The following GRIK3 variants were observed in gnomAD, a reference collection of about 807,000 sequenced individuals.
GRIK3 encodes the protein glutamate receptor ionotropic, kainate 3.
GRIK3 carries 29 observed loss-of-function variants against 102.5 expected under a neutral mutation model. The ratio of observed to expected loss-of-function variants is 0.28; its 90% CI spans 0.21 to 0.39. GRIK3 has a LOEUF of 0.39. GRIK3 is among the 10% of genes least tolerant of loss of function. The pLI is 1.00. For missense variants in GRIK3, 908 were observed against 1,252.4 expected (o/e 0.73, Z 4.15); for synonymous variants, 511 against 504.9 (o/e 1.01, Z -0.16).
chr1:36,965,287 T>G (rs1169470210), intron 1 of GRIK3, among the ~76,000 whole-genome samples: 1 of 152,334 alleles, frequency 6.6e-6, no homozygotes, highest in East Asian at 1.9e-4. Context: ...ATCAGAAAAT[T>G]TAATGACTCT....
chr1:36,808,549 A>C (rs1325291661), intron 13 of GRIK3, among the ~76,000 whole-genome samples: 1 of 152,212 alleles, frequency 6.6e-6, no homozygotes, highest in East Asian at 1.9e-4. Flanking sequence ...CTGGCCAGCT[A>C]TCAGTGAAAA....
intron 1 of GRIK3, among the ~76,000 whole-genome samples, chr1:37,012,618 C>T (rs1275657766): frequency 6.6e-6 from 1 of 152,200 alleles, no homozygotes; most frequent in Non-Finnish European, 1.5e-5. Flanking sequence ...AGCATTTTGA[C>T]ACCACATTTC....
intron 5 of GRIK3, among the ~76,000 whole-genome samples, chr1:36,869,306 G>A (rs1055671595): frequency 5.9e-5 from 9 of 152,184 alleles, no homozygotes; most frequent in East Asian, 1.9e-4. Flanking sequence ...CGAGATATGC[G>A]TGGGGAAGTG....
At chr1:36,846,155 G>A (rs528657239) in intron 9 of GRIK3, among the ~76,000 whole-genome samples, 2 of 152,164 alleles carry the variant, frequency 1.3e-5, no homozygotes, top group Non-Finnish European at 2.9e-5. Context: ...TCATGAGCTC[G>A]TGGAAGAGCG....
At chr1:36,940,338 A>G (rs1442991962) in intron 1 of GRIK3, among the ~76,000 whole-genome samples, 1 of 152,188 alleles carries the variant, frequency 6.6e-6, no homozygotes, top group African/African-American at 2.4e-5. Flanking sequence ...CAACTTCTGG[A>G]AGGATACTCT....
At chr1:36,908,526 G>A (rs1641310586) in intron 1 of GRIK3, among the ~76,000 whole-genome samples, 1 of 152,182 alleles carries the variant, frequency 6.6e-6, no homozygotes, top group African/African-American at 2.4e-5. Flanking sequence ...AGAGTTCCCT[G>A]CCCCGCTGGA....
chr1:37,011,777 C>A (rs972032469), intron 1 of GRIK3, among the ~76,000 whole-genome samples: 2 of 152,140 alleles, frequency 1.3e-5, no homozygotes, highest in African/African-American at 4.8e-5. Flanking sequence ...CAGGGAAGAC[C>A]ATGGGCCTGT....
At position 36,797,164 on chromosome 1, in the gene GRIK3, C is replaced by G. The variant is rs1371155428; in HGVS notation, c.*4687G>C. The G allele has an allele frequency of 6.6e-6, 1 of 152,156 alleles. No homozygotes were observed. The highest frequency in any genetic ancestry group is 1.5e-5 in the Non-Finnish European group (1 of 68,056). 9.4% of individuals were successfully genotyped at this position (152,156 alleles called of 1,614,324 possible). A position where few individuals can be genotyped will look rare whatever the true frequency, so the allele number is the denominator to read the frequency against. Reference sequence around the variant, plus strand: ...GAGACCTCCGTCCCAGACTTTGCTGCTGCAGCCCCCATCTCTCATCTGGTC... The same window carrying G: ...GAGACCTCCGTCCCAGACTTTGCTGGTGCAGCCCCCATCTCTCATCTGGTC... On this transcript the variant is annotated 3_prime_UTR_variant, in exon 16 of 16. Coordinates refer to ENST00000373091, the MANE Select transcript of GRIK3 (RefSeq NM_000831.4).
intron 10 of GRIK3, among the ~76,000 whole-genome samples, chr1:36,833,985 C>T (rs1347191151): frequency 2.0e-5 from 3 of 152,236 alleles, no homozygotes; most frequent in Non-Finnish European, 4.4e-5. Flanking sequence ...CTCCCCACTG[C>T]TCTCTGATCT....
At chr1:36,974,521 G>A (rs530937286) in intron 1 of GRIK3, among the ~76,000 whole-genome samples, 1 of 152,178 alleles carries the variant, frequency 6.6e-6, no homozygotes, top group South Asian at 2.1e-4. Flanking sequence ...AATGCCAGCC[G>A]GGAGTGGTGG....
In GRIK3 at chr1:36,850,306, C is replaced by T. The variant is rs772714223; in HGVS notation, c.1326+5G>A. The T allele has an allele frequency of 6.3e-7, 1 of 1,582,004 alleles. No individual in the cohort carries two copies. Among genetic ancestry groups the T allele is most frequent in the Non-Finnish European group, 8.7e-7 (1 of 1,150,730 alleles). Reference sequence around the variant, plus strand: ...GTCCTTCCTGCAGGGGCTGCAGGCTCTTACCAGCACTGTGGTGACAATGAG... The same window carrying T: ...GTCCTTCCTGCAGGGGCTGCAGGCTTTTACCAGCACTGTGGTGACAATGAG... On this transcript the variant is annotated splice_donor_5th_base_variant and intron_variant, in intron 9 of 15. Transcript: ENST00000373091. This position sits in a 1 kb window ranked among gnomAD's most constrained non-coding sequence, Gnocchi z 4.0.
chr1:36,844,691 T>A (rs901887864), intron 9 of GRIK3, among the ~76,000 whole-genome samples: 8 of 152,056 alleles, frequency 5.3e-5, no homozygotes, highest in Non-Finnish European at 1.0e-4. Context: ...ATAAAATGAG[T>A]CAGTCTACGA....
intron 13 of GRIK3, among the ~76,000 whole-genome samples, chr1:36,813,721 G>C (rs906237895): frequency 2.7e-5 from 4 of 146,172 alleles, no homozygotes; most frequent in African/African-American, 1.0e-4. Flanking sequence ...ACAAGGCAGG[G>C]AATTGGTTCA....
chr1:37,013,416 G>C (rs533524413), intron 1 of GRIK3, among the ~76,000 whole-genome samples: 1 of 152,332 alleles, frequency 6.6e-6, no homozygotes, highest in East Asian at 1.9e-4. Context: ...GCTTGGATGA[G>C]TGTGTGTATG....
intron 9 of GRIK3, among the ~76,000 whole-genome samples, chr1:36,845,751 A>G (rs575494814): frequency 6.6e-6 from 1 of 152,334 alleles, no homozygotes; most frequent in South Asian, 2.1e-4. Flanking sequence ...TCAACCAGTT[A>G]GAACCAGCAC....
At chr1:36,844,041 C>T (rs963689456) in intron 9 of GRIK3, among the ~76,000 whole-genome samples, 3 of 152,248 alleles carry the variant, frequency 2.0e-5, no homozygotes, top group African/African-American at 7.2e-5. Context: ...TAGCCTCCTG[C>T]TGGGCTCCCG....
chr1:36,933,653 G>T (rs1456807964), intron 1 of GRIK3, among the ~76,000 whole-genome samples: 3 of 152,166 alleles, frequency 2.0e-5, no homozygotes, highest in Non-Finnish European at 4.4e-5. Context: ...GCTTTGGTTG[G>T]CTTGAGGCAG....
chr1:36,823,514 C>T (rs1178550498), intron 11 of GRIK3, among the ~76,000 whole-genome samples: 1 of 149,782 alleles, frequency 6.7e-6, no homozygotes, highest in Admixed American at 6.7e-5. Context: ...AAACTAGTGG[C>T]CACACAGAAA....
At chr1:36,910,569 G>A (rs749568254) in intron 1 of GRIK3, among the ~76,000 whole-genome samples, 11 of 152,132 alleles carry the variant, frequency 7.2e-5, no homozygotes, top group East Asian at 1.9e-4. Flanking sequence ...CAGCAGTGGT[G>A]GGGGGGCGGG....
Sources: gnomAD v4.1 joint callset for allele counts (sites outside exome capture counted in the v4.1 genomes callset) on GRCh38, gnomAD v4.1.1 for gene constraint, Gnocchi (gnomAD v3.1) non-coding constraint, MANE v1.5 for transcripts, NCBI Gene and HGNC (gene_info 2026-07-23, HGNC 2026-07-21) for gene names.